Variants in PTGER3 observed in about 807,000 individuals in gnomAD.
PTGER3 encodes the protein prostaglandin E receptor 3.
In PTGER3, 22 loss-of-function variants were observed where a neutral mutation model predicts 34.7. The ratio of observed to expected loss-of-function variants is 0.63; its 90% CI spans 0.45 to 0.91. The LOEUF (loss-of-function observed/expected upper bound fraction) is 0.91, where lower values mean the gene tolerates loss of function less well. Ranked by LOEUF, PTGER3 falls within the 40% of genes least tolerant of loss-of-function variation. The pLI, the probability that PTGER3 is intolerant of heterozygous loss-of-function variation, is 0.00. For missense variants in PTGER3, 468 were observed against 519.4 expected, an observed-to-expected ratio of 0.90 and a Z score of 0.96; for synonymous variants, 241 against 230.1, an observed-to-expected ratio of 1.05 and a Z score of -0.43.
intron 2 of PTGER3, among the ~76,000 whole-genome samples, chr1:70,988,013 A>G (rs1655084529): frequency 6.6e-6 from 1 of 152,168 alleles, no homozygotes; most frequent in African/African-American, 2.4e-5. Flanking sequence ...TAAATTCACA[A>G]TGCATTCTCA....
At chr1:70,944,132 A>G (rs576722706) in intron 4 of PTGER3, among the ~76,000 whole-genome samples, 165 of 152,118 alleles carry the variant, frequency 1.1e-3, no homozygotes, top group Middle Eastern at 6.3e-3. Flanking sequence ...CCTTGATGCT[A>G]GTAATAATTA....
intron 1 of PTGER3, among the ~76,000 whole-genome samples, chr1:71,022,063 G>T (rs1658468148): frequency 6.6e-6 from 1 of 151,814 alleles, no homozygotes; most frequent in African/African-American, 2.4e-5. Flanking sequence ...AGTTTTCTCT[G>T]GGTGAGAATT....
At chr1:70,866,997 A>T (rs1646056438) in intron 4 of PTGER3, among the ~76,000 whole-genome samples, 2 of 152,246 alleles carry the variant, frequency 1.3e-5, no homozygotes, top group African/African-American at 2.4e-5. Flanking sequence ...AAAGCATGTT[A>T]TACAAGGTTT....
In PTGER3 at chr1:71,047,737, C is replaced by A. The variant is rs1455049710; in HGVS notation, c.-160G>T. ...CGCCGCCCTACTCCGCTGCTGGGACCGCGGCCGCGGCGGCGCCAGGGCTCA... is the reference window on the plus strand; with the variant it reads ...CGCCGCCCTACTCCGCTGCTGGGACAGCGGCCGCGGCGGCGCCAGGGCTCA... On this transcript the variant is annotated 5_prime_UTR_variant, in exon 1 of 4. Coordinates refer to ENST00000306666, the MANE Select transcript of PTGER3 (RefSeq NM_198719.2). 7.1e-6 allele frequency: 5 copies of A among 702,880 alleles called. No homozygotes were observed. Among genetic ancestry groups the A allele is most frequent in the South Asian group, 7.0e-5 (1 of 14,316 alleles). The allele number at this position is 702,880 out of a possible 1,614,324, so 43.5% of individuals were successfully genotyped here. A position where few individuals can be genotyped will look rare whatever the true frequency, so the allele number is the denominator to read the frequency against.
At chr1:71,037,514 A>G (rs1332256856) in intron 1 of PTGER3, among the ~76,000 whole-genome samples, 3 of 152,194 alleles carry the variant, frequency 2.0e-5, no homozygotes, top group Admixed American at 2.0e-4. Context: ...ATATTTATAG[A>G]ATCGCTGGAT....
At chr1:70,937,092 C>T (rs1415822023) in intron 4 of PTGER3, among the ~76,000 whole-genome samples, 1 of 152,100 alleles carries the variant, frequency 6.6e-6, no homozygotes, top group African/African-American at 2.4e-5. Context: ...AAGGTTGGCG[C>T]CATTTAAAGA....
intron 2 of PTGER3, among the ~76,000 whole-genome samples, chr1:70,999,252 C>G (rs1656261814): frequency 6.6e-6 from 1 of 152,084 alleles, no homozygotes; most frequent in African/African-American, 2.4e-5. Flanking sequence ...ATTCTGAATT[C>G]ATTTAGTGAT....
intron 4 of PTGER3, among the ~76,000 whole-genome samples, chr1:70,860,155 AAAATG>A (rs1250278993): frequency 6.6e-6 from 1 of 151,828 alleles, no homozygotes; most frequent in Non-Finnish European, 1.5e-5. Flanking sequence ...CAAACTGACA[AAAATG>A]GCTCTTAAAC....
At chr1:71,017,802 T>C (rs1306840366) in intron 1 of PTGER3, among the ~76,000 whole-genome samples, 1 of 152,188 alleles carries the variant, frequency 6.6e-6, no homozygotes, top group African/African-American at 2.4e-5. Flanking sequence ...TCTTGCTCTG[T>C]TCCCCAGGCT....
At chr1:70,885,506 G>T (rs1646479741) in intron 4 of PTGER3, among the ~76,000 whole-genome samples, 1 of 152,020 alleles carries the variant, frequency 6.6e-6, no homozygotes, top group Non-Finnish European at 1.5e-5. Flanking sequence ...AACAATATGG[G>T]TTAAGTGGTA....
At position 70,955,974 on chromosome 1, in the gene PTGER3, T is replaced by C. The variant is rs540218146; in HGVS notation, c.1078-2185A>G. Among the ~76,000 whole-genome samples, 9 of 152,294 alleles carry C rather than the reference T, an allele frequency of 5.9e-5. No homozygotes were observed. The East Asian group carries it at 1.2e-3, about 20-fold the overall frequency. ...ATTGATCTTAACTGGACTTTGGCTG[T>C]CTATGGCATCTCAAGTAGCTATTTC... On this transcript the variant is annotated intron_variant, in intron 2 of 3. Coordinates refer to the PTGER3 transcript ENST00000356595.
intron 4 of PTGER3, among the ~76,000 whole-genome samples, chr1:70,873,654 T>TA (rs1331963024): frequency 1.3e-5 from 2 of 151,220 alleles, no homozygotes; most frequent in Non-Finnish European, 3.0e-5. Flanking sequence ...GAGGTGCTTT[T>TA]TTTTTTTTTT....
At chr1:70,937,444 G>A (rs78685306) in intron 4 of PTGER3, among the ~76,000 whole-genome samples, 3 of 152,272 alleles carry the variant, frequency 2.0e-5, no homozygotes, top group South Asian at 2.1e-4. Flanking sequence ...ACAGGACAGA[G>A]ACTTGGGAAT....
In PTGER3 at chr1:70,971,670, A is replaced by G. The variant is rs1158792321; in HGVS notation, c.*60T>C. 6.5e-7 allele frequency: 1 copy of G among 1,544,174 alleles called. No homozygotes were observed. The highest frequency in any genetic ancestry group is 1.4e-5 in the African/African-American group (1 of 71,836). The stretch of plus-strand genomic sequence containing the variant: ...ATATAATTATCCTTCTCAGGTGGGA[A>G]GAAATATGCAAATTCAGGGAAGCAG... On this transcript the variant is annotated 3_prime_UTR_variant, in exon 4 of 4. Transcript: ENST00000306666.
chr1:70,986,945 TG>T, intron 2 of PTGER3, among the ~76,000 whole-genome samples: 1 of 152,290 alleles, frequency 6.6e-6, no homozygotes, highest in East Asian at 1.9e-4. Context: ...ACCAAACATC[TG>T]TAAGAGTTTT....
At position 70,874,069 on chromosome 1, in the gene PTGER3, T is replaced by C. The variant is rs193244194; in HGVS notation, c.*24-21210A>G. ...ATAGTACTTGTTTTAGACCTGATGT[T>C]ACAAATACCAAAAAACAAACATACA... On this transcript the variant is annotated intron_variant, in intron 4 of 4. Coordinates refer to the PTGER3 transcript ENST00000370931. 1.1e-3 allele frequency among the ~76,000 whole-genome samples: 169 copies of C among 152,312 alleles called. 1 individual carries two copies. The highest frequency in any genetic ancestry group is 3.6e-3 in the African/African-American group (149 of 41,570).
At chr1:71,017,098 C>T (rs376873135) in intron 1 of PTGER3, among the ~76,000 whole-genome samples, 13 of 152,056 alleles carry the variant, frequency 8.5e-5, no homozygotes, top group African/African-American at 3.1e-4. Context: ...CCACACAAGA[C>T]AAAAAGGACT....
intron 4 of PTGER3, among the ~76,000 whole-genome samples, chr1:70,900,986 A>C (rs1174873291): frequency 6.6e-6 from 1 of 152,176 alleles, no homozygotes; most frequent in Non-Finnish European, 1.5e-5. Flanking sequence ...TGGCCCAGAA[A>C]TTATTGTTTA....
intron 1 of PTGER3, among the ~76,000 whole-genome samples, chr1:71,019,532 G>A (rs1010699955): frequency 6.6e-6 from 1 of 152,016 alleles, no homozygotes; most frequent in African/African-American, 2.4e-5. Context: ...CTCTAAATTC[G>A]CCATCCCTGT....
Sources: allele counts gnomAD v4.1 joint callset (sites outside exome capture counted in the v4.1 genomes callset), GRCh38; gene constraint gnomAD v4.1.1; transcripts MANE v1.5; gene names NCBI Gene and HGNC (gene_info 2026-07-23, HGNC 2026-07-21).